Variants in BBS4 observed in about 807,000 individuals in gnomAD.
The protein encoded by BBS4 is BBSome complex member BBS4.
A neutral mutation model predicts 71.4 loss-of-function variants in BBS4; 58 were observed. The observed-to-expected ratio is 0.81, with a 90% CI of 0.66 to 1.01. The LOEUF (loss-of-function observed/expected upper bound fraction) is 1.01. Among genes scored for constraint, BBS4 ranks in the 50% least tolerant of loss-of-function variants. The pLI, the probability that BBS4 is intolerant of heterozygous loss-of-function variation, is 0.00. For synonymous variants in BBS4, 228 were observed against 216.8 expected (o/e 1.05, Z -0.46); for missense variants, 660 against 607.9 (o/e 1.09, Z -0.90).
chr15:72,733,572 C>T (rs2065868024), intron 12 of BBS4, among the ~76,000 whole-genome samples: 1 of 151,980 alleles, frequency 6.6e-6, no homozygotes, highest in Non-Finnish European at 1.5e-5. Context: ...TGGTGGCCTC[C>T]AGCTCCATCT....
intron 2 of BBS4, among the ~76,000 whole-genome samples, chr15:72,699,809 T>C (rs1448559618): frequency 6.6e-6 from 1 of 152,250 alleles, no homozygotes; most frequent in African/African-American, 2.4e-5. Context: ...TGTTGTTATA[T>C]GTATCAGTAG....
At chr15:72,707,013 A>T (rs1191451131) in intron 2 of BBS4, among the ~76,000 whole-genome samples, 2 of 151,778 alleles carry the variant, frequency 1.3e-5, no homozygotes, top group Non-Finnish European at 2.9e-5. Context: ...AGGCAACATT[A>T]ACTCTGAGTC....
intron 10 of BBS4, among the ~76,000 whole-genome samples, chr15:72,730,278 CAAA>C (rs36057641): frequency 2.2e-5 from 3 of 133,520 alleles, no homozygotes; most frequent in African/African-American, 2.8e-5. Context: ...GACTCTGTCT[CAAA>C]AAAAAAAAAA....
intron 1 of BBS4, chr15:72,686,594 C>T (rs1172324157): frequency 7.3e-7 from 1 of 1,365,754 alleles, no homozygotes; most frequent in Non-Finnish European, 9.6e-7. Flanking sequence ...TAGACAGTTC[C>T]TGTTAATCCC....
chr15:72,731,369 A>T lies in BBS4; in HGVS notation c.776A>T (p.Tyr259Phe), dbSNP rs146595193. Residue 259 changes from tyrosine (Y) to phenylalanine (F), a missense_variant, in exon 11 of 16, where the codon TAC becomes TTC. Physicochemically the swap from Tyr to Phe is conservative, Grantham distance 22. Coordinates refer to ENST00000268057, the MANE Select transcript of BBS4 (RefSeq NM_033028.5). ...GACTTTGATGTTGCCCTCACCAAAT[A>T]CAGAGTTGTGGCTTGTGCTGTTCCA... ...HGDFDVALTK[Y>F]RVVACAVPES... 33 of 1,614,020 alleles carry T rather than the reference A, an allele frequency of 2.0e-5. No homozygotes were observed. The highest frequency in any genetic ancestry group is 2.5e-5 in the Non-Finnish European group (30 of 1,180,020).
chr15:72,687,414 G>A (rs1024223600), intron 1 of BBS4, among the ~76,000 whole-genome samples: 99 of 151,996 alleles, frequency 6.5e-4, no homozygotes, highest in Admixed American at 6.5e-3. Context: ...GACCATCCTG[G>A]CCAACATGGT....
intron 12 of BBS4, among the ~76,000 whole-genome samples, chr15:72,734,303 A>T (rs1170189905): frequency 1.3e-5 from 2 of 152,246 alleles, no homozygotes; most frequent in East Asian, 3.8e-4. Flanking sequence ...TAACTTTACA[A>T]AGTAGAGATG....
chr15:72,688,830 C>T (rs1027467964), intron 1 of BBS4, among the ~76,000 whole-genome samples: 2 of 152,136 alleles, frequency 1.3e-5, no homozygotes, highest in Non-Finnish European at 2.9e-5. Context: ...AGTGGCAAAA[C>T]GCTGGAAGCA....
chr15:72,736,584 A>G (rs1236697103), intron 14 of BBS4, among the ~76,000 whole-genome samples, 178 bp from the exon 15 acceptor site: 2 of 152,298 alleles, frequency 1.3e-5, no homozygotes, highest in East Asian at 1.9e-4. Context: ...GTGAACCACC[A>G]TGCCATCCAG....
At chr15:72,705,396 GA>G (rs1206278348) in intron 2 of BBS4, among the ~76,000 whole-genome samples, 3 of 152,098 alleles carry the variant, frequency 2.0e-5, no homozygotes, top group African/African-American at 2.4e-5. Context: ...ATATTTGATG[GA>G]ACGAAAATTA....
intron 1 of BBS4, among the ~76,000 whole-genome samples, chr15:72,688,487 C>T (rs1261125681): frequency 7.6e-6 from 1 of 130,866 alleles, no homozygotes; most frequent in Admixed American, 9.6e-5. Context: ...GATCTCAGCT[C>T]AGTGGAACCT....
intron 2 of BBS4, among the ~76,000 whole-genome samples, chr15:72,706,072 AC>A (rs1481912053): frequency 6.6e-6 from 1 of 152,062 alleles, no homozygotes; most frequent in African/African-American, 2.4e-5. Flanking sequence ...GTGACAGAGG[AC>A]TGGGTCATGC....
intron 5 of BBS4, among the ~76,000 whole-genome samples, chr15:72,716,013 G>C (rs779475671): frequency 6.6e-6 from 1 of 152,196 alleles, no homozygotes; most frequent in Non-Finnish European, 1.5e-5. Context: ...AGAAAGTGGA[G>C]ATAGGAACTC....
intron 3 of BBS4, among the ~76,000 whole-genome samples, chr15:72,711,395 C>T (rs568302255): frequency 1.6e-4 from 24 of 148,026 alleles, no homozygotes; most frequent in Non-Finnish European, 3.3e-4. Flanking sequence ...GTGATCTGCC[C>T]GCTTCGGCCA....
intron 1 of BBS4, among the ~76,000 whole-genome samples, chr15:72,690,916 A>G (rs1305650588): frequency 1.3e-5 from 2 of 152,224 alleles, no homozygotes; most frequent in Non-Finnish European, 2.9e-5. Context: ...GTGGATGGGT[A>G]GTGATGGTGT....
At chr15:72,736,609 A>C (rs1207643346) in intron 14 of BBS4, among the ~76,000 whole-genome samples, 153 bp from the exon 15 acceptor site, 1 of 152,194 alleles carries the variant, frequency 6.6e-6, no homozygotes, top group Admixed American at 6.5e-5. Context: ...GGCAATCTGT[A>C]ATCTCTACTG....
chr15:72,718,986 G>T (rs1366575313), intron 6 of BBS4, among the ~76,000 whole-genome samples: 3 of 152,142 alleles, frequency 2.0e-5, no homozygotes, highest in Admixed American at 6.5e-5. Context: ...ACATAAAGGT[G>T]GTAATTGAAA....
chr15:72,693,797 A>G (rs1009783524), intron 1 of BBS4, among the ~76,000 whole-genome samples: 2 of 152,136 alleles, frequency 1.3e-5, no homozygotes, highest in African/African-American at 2.4e-5. Flanking sequence ...ACACTGGAGT[A>G]ATTATTCTTA....
chr15:72,714,487 A>G (rs778414214), intron 4 of BBS4, among the ~76,000 whole-genome samples: 1 of 152,132 alleles, frequency 6.6e-6, no homozygotes, highest in Non-Finnish European at 1.5e-5. Flanking sequence ...TGGCCTACCA[A>G]AGTGCTGGGA....
Sources: gnomAD v4.1 joint callset for allele counts (sites outside exome capture counted in the v4.1 genomes callset) on GRCh38, gnomAD v4.1.1 for gene constraint, MANE v1.5 for transcripts, NCBI Gene and HGNC (gene_info 2026-07-23, HGNC 2026-07-21) for gene names.